LHFPL3: variants seen among roughly 807,000 people sequenced by gnomAD.
The protein encoded by LHFPL3 is LHFPL tetraspan subfamily member 3.
LHFPL3 carries 5 observed loss-of-function variants against 19.3 expected under a neutral mutation model. That is an observed-to-expected ratio of 0.26 (90% CI 0.14 to 0.54). LHFPL3 has a LOEUF of 0.54. Among genes scored for constraint, LHFPL3 ranks in the 20% least tolerant of loss-of-function variants. LHFPL3 has a pLI of 0.94. For synonymous variants in LHFPL3, 133 were observed against 126.2 expected (o/e 1.05, Z -0.36); for missense variants, 249 against 307.4 (o/e 0.81, Z 1.42).
At position 104,530,082 on chromosome 7, in the gene LHFPL3, T is replaced by C. The variant is rs181556601; in HGVS notation, c.445+200858T>C. 4.6e-5 allele frequency among the ~76,000 whole-genome samples: 7 copies of C among 152,290 alleles called. No individual in the cohort carries two copies. In the East Asian group the frequency reaches 1.2e-3, roughly 25 times the overall value. On this transcript the variant is annotated intron_variant, in intron 1 of 2. Transcript: ENST00000424859. ...GTCCTTGGTACAACTTCTGTTGGAA[T>C]GTTAAAAATAGTGTGATGTTTGAGT... is the stretch of plus-strand genomic sequence containing the variant.
chr7:104,717,403 A>G (rs1258116395), intron 1 of LHFPL3, among the ~76,000 whole-genome samples: 3 of 152,130 alleles, frequency 2.0e-5, no homozygotes, highest in South Asian at 4.1e-4. Context: ...TGCAAACTCT[A>G]TATCTGATAC....
At chr7:104,366,576 C>A (rs74861698) in intron 1 of LHFPL3, among the ~76,000 whole-genome samples, 1 of 152,178 alleles carries the variant, frequency 6.6e-6, no homozygotes, top group Non-Finnish European at 1.5e-5. Context: ...CCAAGCACCC[C>A]GTCAAGGGCT....
chr7:104,662,615 G>A (rs186283373), intron 1 of LHFPL3, among the ~76,000 whole-genome samples: 5 of 152,236 alleles, frequency 3.3e-5, no homozygotes, highest in Admixed American at 3.3e-4. Context: ...ATGTTTATTG[G>A]ATGAATGACA....
chr7:104,889,922 T>C (rs1792212975), intron 2 of LHFPL3, among the ~76,000 whole-genome samples: 2 of 152,214 alleles, frequency 1.3e-5, no homozygotes, highest in African/African-American at 2.4e-5. Flanking sequence ...ACATGTTCAA[T>C]CAGTTTTTTT....
chr7:104,631,787 G>A (rs1362849919), intron 1 of LHFPL3, among the ~76,000 whole-genome samples: 1 of 152,122 alleles, frequency 6.6e-6, no homozygotes, highest in African/African-American at 2.4e-5. Flanking sequence ...AAAATACCTG[G>A]TGATATTAGC....
At chr7:104,554,269 A>G (rs1439817321) in intron 1 of LHFPL3, among the ~76,000 whole-genome samples, 2 of 151,998 alleles carry the variant, frequency 1.3e-5, no homozygotes, top group African/African-American at 2.4e-5. Flanking sequence ...CATTTAGGAA[A>G]TGGATTATAA....
Position 104,475,148 on chromosome 7 carries a change from A to G in LHFPL3, c.445+145924A>G, listed in dbSNP as rs139700845. On this transcript the variant is annotated intron_variant, in intron 1 of 2. Transcript: ENST00000424859. ...TAAGCTATTCATTTACTAAGTTCTT[A>G]GTACAGGTGGTAAAACCATGGTTTC... is the stretch of plus-strand genomic sequence containing the variant. 3.2e-3 allele frequency among the ~76,000 whole-genome samples: 481 copies of G among 152,352 alleles called. 2 individuals are homozygous for G. The highest frequency in any genetic ancestry group is 0.011 in the African/African-American group (446 of 41,570).
At chr7:104,877,339 A>G (rs1466844573) in intron 2 of LHFPL3, among the ~76,000 whole-genome samples, 2 of 152,234 alleles carry the variant, frequency 1.3e-5, no homozygotes, top group East Asian at 3.8e-4. Flanking sequence ...CAAATGGGAG[A>G]CAATATTTGC....
chr7:104,494,630 C>T lies in LHFPL3; in HGVS notation c.445+165406C>T, dbSNP rs1016964971. ...TAATCAGAAAAGCCATGCTTGCTTT[C>T]TTATTCATCCATTCAAGTCAAATCA... On this transcript the variant is annotated intron_variant, in intron 1 of 2. Coordinates refer to ENST00000424859, the MANE Select transcript of LHFPL3 (RefSeq NM_199000.3). 4.6e-5 allele frequency among the ~76,000 whole-genome samples: 7 copies of T among 152,208 alleles called. No individual in the cohort carries two copies. The South Asian group carries it at 1.4e-3, about 32-fold the overall frequency.
rs117095864 is a variant in LHFPL3, at chr7:104,470,035, G to A, written c.445+140811G>A. 394 of 455,926 alleles carry A rather than the reference G, an allele frequency of 8.6e-4. 5 individuals are homozygous for A. In the East Asian group the frequency reaches 0.024, roughly 28 times the overall value. 28.2% of individuals were successfully genotyped at this position (455,926 alleles called of 1,614,324 possible). Reference sequence around the variant, plus strand: ...CAGGTAATGATGCTGTGTGAACTTCGGGTGTTTACTGCCTTGTGCTTCATT... The same window carrying A: ...CAGGTAATGATGCTGTGTGAACTTCAGGTGTTTACTGCCTTGTGCTTCATT... On this transcript the variant is annotated intron_variant, in intron 1 of 2. Coordinates refer to ENST00000424859, the MANE Select transcript of LHFPL3 (RefSeq NM_199000.3).
chr7:104,747,353 A>G (rs1404226687), intron 2 of LHFPL3, among the ~76,000 whole-genome samples: 1 of 151,510 alleles, frequency 6.6e-6, no homozygotes, highest in Non-Finnish European at 1.5e-5. Context: ...TGTCTATGTG[A>G]ATTTGGGATG....
intron 1 of LHFPL3, among the ~76,000 whole-genome samples, chr7:104,616,218 T>A (rs1031758575): frequency 6.6e-6 from 1 of 152,082 alleles, no homozygotes; most frequent in Non-Finnish European, 1.5e-5. Flanking sequence ...GGAGGCATCA[T>A]ACTACCTGAC....
intron 1 of LHFPL3, among the ~76,000 whole-genome samples, chr7:104,561,230 G>A (rs1422151162): frequency 6.7e-6 from 1 of 149,472 alleles, no homozygotes; most frequent in Non-Finnish European, 1.5e-5. Flanking sequence ...CAATTCCTGG[G>A]TATCCTTGTT....
At chr7:104,462,149 C>T (rs11768543) in intron 1 of LHFPL3, among the ~76,000 whole-genome samples, 27,701 of 152,066 alleles carry the variant, frequency 0.18, 2,558 homozygotes, top group African/African-American at 0.22. Context: ...TAAGCCAAGA[C>T]TATGGGGTTT....
intron 1 of LHFPL3, among the ~76,000 whole-genome samples, chr7:104,595,081 G>A (rs145794829): frequency 3.0e-4 from 46 of 152,304 alleles, no homozygotes; most frequent in African/African-American, 9.6e-4. Flanking sequence ...TTGTTCCGTT[G>A]CTGGCAAGGA....
chr7:104,430,614 G>A (rs868429132), intron 1 of LHFPL3, among the ~76,000 whole-genome samples: 3 of 148,442 alleles, frequency 2.0e-5, no homozygotes, highest in Non-Finnish European at 4.5e-5. Flanking sequence ...GACTACAGGC[G>A]CCCGCCACAA....
At chr7:104,474,775 A>C (rs1481041425) in intron 1 of LHFPL3, among the ~76,000 whole-genome samples, 11 of 152,144 alleles carry the variant, frequency 7.2e-5, no homozygotes, top group Admixed American at 7.2e-4. Context: ...GAATGAAATA[A>C]ATACTGAAAA....
chr7:104,632,976 A>C (rs1477882765), intron 1 of LHFPL3, among the ~76,000 whole-genome samples: 1 of 152,214 alleles, frequency 6.6e-6, no homozygotes, highest in Admixed American at 6.5e-5. Context: ...TATGAATACT[A>C]TACAAGTAAT....
chr7:104,393,860 A>G (rs947257856), intron 1 of LHFPL3, among the ~76,000 whole-genome samples: 2 of 152,224 alleles, frequency 1.3e-5, no homozygotes, highest in Admixed American at 6.5e-5. Flanking sequence ...AAGACCACAT[A>G]TGGTATGATT....
Sources: allele counts gnomAD v4.1 joint callset (sites outside exome capture counted in the v4.1 genomes callset), GRCh38; gene constraint gnomAD v4.1.1; transcripts MANE v1.5; gene names NCBI Gene and HGNC (gene_info 2026-07-23, HGNC 2026-07-21).